The following TACC2 variants were observed in gnomAD, a reference collection of about 807,000 sequenced individuals.
The protein encoded by TACC2 is transforming acidic coiled-coil-containing protein 2.
A neutral mutation model predicts 227.3 loss-of-function variants in TACC2; 137 were observed. That is an observed-to-expected ratio of 0.60 (90% CI 0.52 to 0.69). The LOEUF (loss-of-function observed/expected upper bound fraction) is 0.69. Ranked by LOEUF, TACC2 falls within the 30% of genes least tolerant of loss-of-function variation. TACC2 has a pLI of 0.00. For synonymous variants in TACC2, 1,523 were observed against 1,487.5 expected (o/e 1.02, Z -0.55); for missense variants, 3,470 against 3,694.4 (o/e 0.94, Z 1.57).
intron 7 of TACC2, among the ~76,000 whole-genome samples, chr10:122,191,749 T>G (rs1377204490): frequency 1.3e-5 from 2 of 152,362 alleles, no homozygotes; most frequent in African/African-American, 4.8e-5. Context: ...TAGAGATATT[T>G]CAGCAGATTG....
At chr10:122,117,383 C>T (rs929111592) in intron 5 of TACC2, among the ~76,000 whole-genome samples, 10 of 151,678 alleles carry the variant, frequency 6.6e-5, no homozygotes, top group African/African-American at 1.7e-4. Flanking sequence ...TTAGTAGAGA[C>T]GGGGATTTGC....
intron 3 of TACC2, among the ~76,000 whole-genome samples, chr10:122,065,199 G>A (rs548351329): frequency 2.6e-5 from 4 of 152,256 alleles, no homozygotes; most frequent in East Asian, 1.9e-4. Context: ...TTTGACCAGT[G>A]TCTCTGTAGT....
intron 1 of TACC2, among the ~76,000 whole-genome samples, chr10:122,011,579 C>T (rs568457132): frequency 4.6e-5 from 7 of 152,276 alleles, no homozygotes; most frequent in African/African-American, 1.4e-4. Context: ...CTGCCCACCT[C>T]GGCCTCCCAA....
intron 5 of TACC2, among the ~76,000 whole-genome samples, chr10:122,116,104 G>A (rs1289450109): frequency 6.6e-6 from 1 of 152,170 alleles, no homozygotes; most frequent in Non-Finnish European, 1.5e-5. Flanking sequence ...AGAACATGTT[G>A]AGGATTATGA....
chr10:122,115,494 T>C (rs1482951114), intron 5 of TACC2, among the ~76,000 whole-genome samples: 1 of 152,170 alleles, frequency 6.6e-6, no homozygotes, highest in African/African-American at 2.4e-5. Context: ...GCTATTGGCG[T>C]CTAGTGGGGG....
intron 3 of TACC2, among the ~76,000 whole-genome samples, chr10:122,056,155 C>G (rs1013821428): frequency 3.3e-5 from 5 of 152,150 alleles, no homozygotes; most frequent in African/African-American, 1.2e-4. Context: ...TGTGGTGAGG[C>G]CTGTGAAGGG....
At chr10:122,220,270 C>G (rs1226357078) in intron 11 of TACC2, among the ~76,000 whole-genome samples, 2 of 152,060 alleles carry the variant, frequency 1.3e-5, no homozygotes, top group Admixed American at 6.5e-5. Flanking sequence ...AGCTGAGTGA[C>G]ATATTTGACA....
intron 2 of TACC2, among the ~76,000 whole-genome samples, chr10:122,024,080 C>CA (rs1242086439): frequency 6.6e-6 from 1 of 152,118 alleles, no homozygotes; most frequent in Non-Finnish European, 1.5e-5. Context: ...AGAAACAATG[C>CA]AGAGAGCCCA....
At chr10:122,044,265 G>A (rs1006494682) in intron 2 of TACC2, among the ~76,000 whole-genome samples, 3 of 152,222 alleles carry the variant, frequency 2.0e-5, no homozygotes, top group Admixed American at 2.0e-4. Flanking sequence ...TGCCTGCTAG[G>A]TTAGGCTGAG....
chr10:122,110,667 A>C (rs1238396455), intron 5 of TACC2, among the ~76,000 whole-genome samples: 3 of 152,186 alleles, frequency 2.0e-5, no homozygotes, highest in African/African-American at 7.2e-5. Flanking sequence ...GAATGACCTT[A>C]GACTCTGGAG....
intron 7 of TACC2, among the ~76,000 whole-genome samples, chr10:122,174,628 C>T (rs933897029): frequency 3.9e-5 from 6 of 152,032 alleles, no homozygotes; most frequent in Admixed American, 3.9e-4. Context: ...ATAAAAATTC[C>T]ATTGTAGAAT....
intron 8 of TACC2, among the ~76,000 whole-genome samples, chr10:122,199,836 A>G (rs2094719170): frequency 6.6e-6 from 1 of 152,158 alleles, no homozygotes; most frequent in Non-Finnish European, 1.5e-5. Context: ...CTTTCTGTTC[A>G]TAGACAGCAC....
chr10:122,167,168 C>T (rs1020747202), intron 7 of TACC2, among the ~76,000 whole-genome samples: 3 of 152,230 alleles, frequency 2.0e-5, no homozygotes, highest in East Asian at 1.9e-4. Context: ...TTGGCAAAGT[C>T]GGCCTGCCCC....
At chr10:122,097,516 C>A (rs1266293875) in intron 5 of TACC2, among the ~76,000 whole-genome samples, 1 of 150,854 alleles carries the variant, frequency 6.6e-6, no homozygotes, top group African/African-American at 2.5e-5. Context: ...GCCAGGAGTA[C>A]ACTCGGTGGG....
At position 122,150,266 on chromosome 10, in the gene TACC2, G is replaced by A. The variant is rs965619566; in HGVS notation, c.5834+6560G>A. On this transcript the variant is annotated intron_variant, in intron 7 of 22. Coordinates refer to ENST00000369005, the MANE Select transcript of TACC2 (RefSeq NM_206862.4). The surrounding 1 kb of genome is among the most constrained non-coding windows in gnomAD (Gnocchi z 4.0). Reference sequence around the variant, plus strand: ...CTAGAGCAGCTGGGAAGGGGATCCCGCCCTGAAATGGGGCTCAGGGAGGAA... The same window carrying A: ...CTAGAGCAGCTGGGAAGGGGATCCCACCCTGAAATGGGGCTCAGGGAGGAA... Among the ~76,000 whole-genome samples, 1 of 152,222 alleles carries A rather than the reference G, an allele frequency of 6.6e-6. No individual in the cohort carries two copies. The highest frequency in any genetic ancestry group is 2.4e-5 in the African/African-American group (1 of 41,470).
At chr10:122,192,887 C>A in intron 7 of TACC2, 1 of 416,672 alleles carries the variant, frequency 2.4e-6, no homozygotes. Context: ...GGGGCAGCAC[C>A]CGGGGCAGCA....
chr10:122,025,748 G>C (rs190466739), intron 2 of TACC2, among the ~76,000 whole-genome samples: 37 of 150,300 alleles, frequency 2.5e-4, no homozygotes, highest in African/African-American at 8.3e-4. Context: ...CTAATTTTTT[G>C]TATTTTTAGT....
At chr10:122,171,609 T>G (rs1034498060) in intron 7 of TACC2, among the ~76,000 whole-genome samples, 9 of 152,370 alleles carry the variant, frequency 5.9e-5, no homozygotes, top group Admixed American at 4.6e-4. Flanking sequence ...GAAATATGAC[T>G]TAGGCCTTTC....
intron 3 of TACC2, among the ~76,000 whole-genome samples, chr10:122,068,106 T>G (rs2077584119): frequency 6.6e-6 from 1 of 152,194 alleles, no homozygotes; most frequent in South Asian, 2.1e-4. Flanking sequence ...GTGGCTAACC[T>G]GTCATTAATT....
Sources: allele counts gnomAD v4.1 joint callset (sites outside exome capture counted in the v4.1 genomes callset), GRCh38; gene constraint gnomAD v4.1.1; non-coding constraint Gnocchi (gnomAD v3.1); transcripts MANE v1.5; gene names NCBI Gene and HGNC (gene_info 2026-07-23, HGNC 2026-07-21).